The following VWA8 variants were observed in gnomAD, a reference collection of about 807,000 sequenced individuals.
VWA8 encodes von Willebrand factor A domain containing 8, also known as von Willebrand factor A domain-containing protein 8.
Under a neutral mutation model 241.5 loss-of-function variants are expected in VWA8, and 221 were observed. That is an observed-to-expected ratio of 0.91 (90% CI 0.82 to 1.02). The LOEUF is 1.02. VWA8 is among the 50% of genes least tolerant of loss of function. VWA8 has a pLI of 0.00. For synonymous variants in VWA8, 852 were observed against 827.1 expected (o/e 1.03, Z -0.52); for missense variants, 2,322 against 2,328.7 (o/e 1.00, Z 0.06).
At chr13:41,596,160 C>T (rs1416744644) in intron 40 of VWA8, among the ~76,000 whole-genome samples, 1 of 152,100 alleles carries the variant, frequency 6.6e-6, no homozygotes, top group Non-Finnish European at 1.5e-5. Flanking sequence ...ATGTATCAGC[C>T]TTTTGAGTCA....
intron 22 of VWA8, among the ~76,000 whole-genome samples, chr13:41,731,786 T>C (rs191607777): frequency 1.6e-4 from 25 of 152,248 alleles, no homozygotes; most frequent in Admixed American, 1.2e-3. Flanking sequence ...TCTCACAAGA[T>C]CTGATGGTTT....
chr13:41,635,368 CA>C (rs2044750238), intron 37 of VWA8, among the ~76,000 whole-genome samples: 2 of 151,852 alleles, frequency 1.3e-5, no homozygotes, highest in African/African-American at 4.8e-5. Flanking sequence ...GATATGGGGG[CA>C]AAAAATAAAT....
At chr13:41,833,332 G>GGT in intron 13 of VWA8, 39 bp downstream of exon 13, 1 of 1,563,312 alleles carries the variant, frequency 6.4e-7, no homozygotes, top group Non-Finnish European at 8.6e-7. Context: ...GTCAGAGTGG[G>GGT]GTGTGTGTCT....
At chr13:41,912,213 TTATAA>T (rs1566037055) in intron 2 of VWA8, 45 bp from the exon 3 acceptor site, 2 of 1,493,180 alleles carry the variant, frequency 1.3e-6, no homozygotes, top group African/African-American at 1.4e-5. Context: ...TAAGTATTAC[TTATAA>T]TATAAATCTC....
intron 4 of VWA8, among the ~76,000 whole-genome samples, chr13:41,900,262 G>T (rs924251303): frequency 6.6e-6 from 1 of 152,028 alleles, no homozygotes; most frequent in African/African-American, 2.4e-5. Context: ...TAATTTTTTT[G>T]AAATCTTTCT....
At chr13:41,670,016 T>C (rs2045011912) in intron 37 of VWA8, among the ~76,000 whole-genome samples, 1 of 152,164 alleles carries the variant, frequency 6.6e-6, no homozygotes, top group Admixed American at 6.5e-5. Flanking sequence ...AGAATTATTA[T>C]TCATTCATGA....
chr13:41,694,812 T>C (rs938313834), intron 29 of VWA8, among the ~76,000 whole-genome samples: 2 of 152,150 alleles, frequency 1.3e-5, no homozygotes, highest in African/African-American at 4.8e-5. Flanking sequence ...AAAAAGAAGT[T>C]AGTATCGTCT....
Position 41,895,733 on chromosome 13 carries a change from T to TA in VWA8, c.484-4147dup, listed in dbSNP as rs562479255. On this transcript the variant is annotated intron_variant, in intron 4 of 44. Transcript: ENST00000379310. The stretch of plus-strand genomic sequence containing the variant: ...ATTGTGCTATTATCCTCATGTGACT[T>TA]AATTAAGAACTGTGATACGTCCTGT... Among the ~76,000 whole-genome samples the TA allele has an allele frequency of 3.6e-3, 541 of 152,244 alleles. 3 individuals are homozygous for TA. The highest frequency in any genetic ancestry group is 6.7e-3 in the Non-Finnish European group (454 of 67,980).
chr13:41,959,606 CT>C (rs1168629617), intron 1 of VWA8, among the ~76,000 whole-genome samples: 19,230 of 79,132 alleles, frequency 0.24, 1,973 homozygotes, highest in Middle Eastern at 0.44. Flanking sequence ...CCTAAATATG[CT>C]TTTTTTTTTT....
intron 42 of VWA8, 23 bp from the exon 43 acceptor site, chr13:41,575,861 G>A (rs2044348075): frequency 6.4e-7 from 1 of 1,555,184 alleles, no homozygotes; most frequent in Non-Finnish European, 8.8e-7. Context: ...GAACCAGAAA[G>A]TTATAAACTT....
chr13:41,817,029 C>G (rs1870726974), intron 15 of VWA8, among the ~76,000 whole-genome samples: 1 of 152,126 alleles, frequency 6.6e-6, no homozygotes, highest in Non-Finnish European at 1.5e-5. Context: ...AATTCTATCA[C>G]CACGATAAAA....
chr13:41,952,362 T>A (rs931222541), intron 1 of VWA8, among the ~76,000 whole-genome samples: 5 of 152,206 alleles, frequency 3.3e-5, no homozygotes, highest in Admixed American at 6.5e-5. Context: ...CTCGCCCTAT[T>A]TTCCTTAATG....
chr13:41,928,167 C>T (rs1167121408), intron 2 of VWA8, among the ~76,000 whole-genome samples: 1 of 152,090 alleles, frequency 6.6e-6, no homozygotes, highest in Non-Finnish European at 1.5e-5. Flanking sequence ...GACTTCAATT[C>T]TCAATTTTCA....
At chr13:41,758,394 GCTAGTATATATATATATA>G (rs2045711497) in intron 21 of VWA8, among the ~76,000 whole-genome samples, 2 of 4,754 alleles carry the variant, frequency 4.2e-4, no homozygotes, top group Non-Finnish European at 1.2e-3. Flanking sequence ...ATATATATAC[GCTAGTATATATATATATA>G]TATATATATA....
chr13:41,841,162 A>G (rs1361424770), intron 12 of VWA8, among the ~76,000 whole-genome samples: 1 of 152,210 alleles, frequency 6.6e-6, no homozygotes, highest in Non-Finnish European at 1.5e-5. Flanking sequence ...AAATTTCACT[A>G]AAAGAAATTC....
intron 35 of VWA8, among the ~76,000 whole-genome samples, chr13:41,684,705 T>C (rs1305844174): frequency 2.6e-5 from 4 of 152,178 alleles, no homozygotes; most frequent in African/African-American, 4.8e-5. Context: ...AGCCCCTGAC[T>C]TTCAGTCTTA....
chr13:41,735,572 G>A (rs939116087), intron 21 of VWA8, among the ~76,000 whole-genome samples: 5 of 152,070 alleles, frequency 3.3e-5, no homozygotes, highest in Non-Finnish European at 7.4e-5. Flanking sequence ...GATAAATGTG[G>A]TTTTGTTCTG....
intron 12 of VWA8, among the ~76,000 whole-genome samples, chr13:41,846,360 G>A (rs187424296): frequency 6.6e-5 from 10 of 152,236 alleles, no homozygotes. Flanking sequence ...CCACATGAGG[G>A]GTAACACATG....
intron 5 of VWA8, 93 bp downstream of exon 5, chr13:41,891,327 T>C: frequency 6.8e-7 from 1 of 1,477,784 alleles, no homozygotes; most frequent in Non-Finnish European, 9.3e-7. Context: ...TGAACATCTG[T>C]CCTGATTCCA....
Sources: gnomAD v4.1 joint callset for allele counts (sites outside exome capture counted in the v4.1 genomes callset) on GRCh38, gnomAD v4.1.1 for gene constraint, MANE v1.5 for transcripts, NCBI Gene and HGNC (gene_info 2026-07-23, HGNC 2026-07-21) for gene names.